The following SUGT1 variants were observed in gnomAD, a reference collection of about 807,000 sequenced individuals.
SUGT1 encodes SGT1 assembly cochaperone of MIS12 kinetochore complex, also known as protein SGT1 homolog.
SUGT1 carries 15 observed loss-of-function variants against 56.1 expected under a neutral mutation model. The observed-to-expected ratio is 0.27, with a 90% CI of 0.18 to 0.41. The LOEUF (loss-of-function observed/expected upper bound fraction) is 0.41. Ranked by LOEUF, SUGT1 falls within the 10% of genes least tolerant of loss-of-function variation. The pLI, the probability that SUGT1 is intolerant of heterozygous loss-of-function variation, is 1.00. For synonymous variants in SUGT1, 123 were observed against 128.6 expected, an observed-to-expected ratio of 0.96 and a Z score of 0.30; for missense variants, 347 against 382.2, an observed-to-expected ratio of 0.91 and a Z score of 0.77.
chr13:52,670,417 C>CA lies in SUGT1; in HGVS notation c.627+3499dup, dbSNP rs1339888094. Among the ~76,000 whole-genome samples, 7 of 152,250 alleles carry CA rather than the reference C, an allele frequency of 4.6e-5. No homozygotes were observed. The South Asian group carries it at 6.2e-4, about 14-fold the overall frequency. On this transcript the variant is annotated intron_variant, in intron 10 of 12. Transcript: ENST00000310528. ...GTCTTTCATCTTGTTGATTTCATGA[C>CA]ACTATTCTCTGGTCACAGTCTCAGA... is the stretch of plus-strand genomic sequence containing the variant.
intron 10 of SUGT1, 63 bp from the exon 11 acceptor site, chr13:52,676,167 G>T: frequency 7.4e-7 from 1 of 1,355,970 alleles, no homozygotes; most frequent in Non-Finnish European, 1.0e-6. Flanking sequence ...TAAGAAAACT[G>T]CATTTTTTAC....
In SUGT1 at chr13:52,652,880, G is replaced by C. The variant is rs756552715; in HGVS notation, c.-41G>C. On this transcript the variant is annotated 5_prime_UTR_variant, in exon 1 of 13. Coordinates refer to ENST00000310528, the MANE Select transcript of SUGT1 (RefSeq NM_006704.5). ...GGGCGGTGGTGGAGGTGGTAACCGT[G>C]ATAGTAGCAGCTCCGGCGGCAGCAA... The C allele has an allele frequency of 1.2e-6, 2 of 1,605,264 alleles. No individual in the cohort carries two copies.
chr13:52,660,168 T>C (rs1454329836), intron 5 of SUGT1, among the ~76,000 whole-genome samples: 2 of 151,906 alleles, frequency 1.3e-5, no homozygotes, highest in African/African-American at 4.8e-5. Flanking sequence ...TACTAAGAGG[T>C]TGTGAGTAAT....
chr13:52,680,942 A>G (rs1385316850), intron 12 of SUGT1, among the ~76,000 whole-genome samples: 3 of 152,034 alleles, frequency 2.0e-5, no homozygotes, highest in African/African-American at 7.2e-5. Flanking sequence ...GCCGGGCTCA[A>G]GTGATTTTCC....
intron 10 of SUGT1, among the ~76,000 whole-genome samples, chr13:52,675,604 C>A (rs981650271): frequency 2.6e-5 from 4 of 152,068 alleles, no homozygotes; most frequent in African/African-American, 9.7e-5. Flanking sequence ...TCTCCCACAG[C>A]CTTGAAGACT....
chr13:52,680,089 CAG>C lies in SUGT1; in HGVS notation c.836_837del (p.Arg279IlefsTer11). 1.3e-6 allele frequency: 2 copies of C among 1,595,492 alleles called. No individual in the cohort carries two copies. The highest frequency in any genetic ancestry group is 1.7e-6 in the Non-Finnish European group (2 of 1,175,074). ...AGTTGGAGGGAGATGCAGCTTTAAA[CAG>C]ATTATTTCAGCAGATCTATTCAGAT... is the stretch of plus-strand genomic sequence containing the variant. The part of the protein sequence containing the change: ...EKLEGDAALN[R>X]LFQQIYSDGS... On this transcript the variant is annotated frameshift_variant, in exon 12 of 13. Coordinates refer to ENST00000310528, the MANE Select transcript of SUGT1 (RefSeq NM_006704.5). LOFTEE classifies it high-confidence loss of function.
At chr13:52,678,081 A>G (rs576482166) in intron 11 of SUGT1, among the ~76,000 whole-genome samples, 1 of 152,316 alleles carries the variant, frequency 6.6e-6, no homozygotes, top group Non-Finnish European at 1.5e-5. Context: ...TTGCTTATCT[A>G]CAAAATAGAG....
chr13:52,676,146 CT>C, intron 10 of SUGT1, 83 bp from the exon 11 acceptor site: 1 of 1,066,514 alleles, frequency 9.4e-7, no homozygotes, highest in African/African-American at 1.6e-5. Context: ...CTTAACAAAA[CT>C]TTGATGACTT....
chr13:52,664,010 T>G (rs1962572776), intron 7 of SUGT1, 25 bp from the exon 8 acceptor site: 2 of 1,611,774 alleles, frequency 1.2e-6, no homozygotes, highest in Non-Finnish European at 1.7e-6. Flanking sequence ...CTCTTTCAAC[T>G]TACCAAAATC....
intron 5 of SUGT1, among the ~76,000 whole-genome samples, chr13:52,661,809 A>G (rs955058251): frequency 7.2e-5 from 11 of 152,180 alleles, no homozygotes; most frequent in Admixed American, 5.9e-4. Flanking sequence ...TAAATTTTTT[A>G]TTAATGCTGG....
At chr13:52,672,156 A>C (rs1962972210) in intron 10 of SUGT1, among the ~76,000 whole-genome samples, 1 of 152,168 alleles carries the variant, frequency 6.6e-6, no homozygotes, top group Admixed American at 6.5e-5. Flanking sequence ...AATCTGGAAA[A>C]GATAAAGGAG....
In SUGT1 at chr13:52,653,105, T is replaced by TGA. The variant is rs753427325; in HGVS notation, c.96+8_96+9dup. 1.2e-6 allele frequency: 2 copies of TGA among 1,613,990 alleles called. No homozygotes were observed. Among genetic ancestry groups the TGA allele is most frequent in the Non-Finnish European group, 1.7e-6 (2 of 1,179,984 alleles). On this transcript the variant is annotated splice_region_variant and intron_variant, in intron 2 of 12. Transcript: ENST00000310528. Reference sequence around the variant, plus strand: ...GAGGACCCCCAGGCGGCGTTAGAGGTGAGAGAGCCCATTTCTGCTTCCTCC... The same window carrying TGA: ...GAGGACCCCCAGGCGGCGTTAGAGGTGAGAGAGAGCCCATTTCTGCTTCCTCC...
At chr13:52,659,991 G>A (rs934827308) in intron 5 of SUGT1, among the ~76,000 whole-genome samples, 3 of 150,756 alleles carry the variant, frequency 2.0e-5, no homozygotes, top group African/African-American at 7.3e-5. Flanking sequence ...ACCACGCCCG[G>A]CCAATTTTTT....
intron 12 of SUGT1, among the ~76,000 whole-genome samples, chr13:52,682,835 T>TA (rs1963429505): frequency 6.6e-6 from 1 of 152,242 alleles, no homozygotes; most frequent in Non-Finnish European, 1.5e-5. Context: ...TGTTTTTAGA[T>TA]ATTCTAACTC....
At chr13:52,683,191 A>G (rs1963445099) in intron 12 of SUGT1, among the ~76,000 whole-genome samples, 1 of 152,182 alleles carries the variant, frequency 6.6e-6, no homozygotes, top group South Asian at 2.1e-4. Context: ...TTCCCATTTT[A>G]AGGGAAAAGT....
intron 6 of SUGT1, 102 bp from the exon 7 acceptor site, chr13:52,662,994 T>C: frequency 7.6e-7 from 1 of 1,317,748 alleles, no homozygotes. Context: ...TACGGAGAAT[T>C]TGCTTGCTTA....
chr13:52,672,450 A>AT (rs1475909750), intron 10 of SUGT1, among the ~76,000 whole-genome samples: 5 of 152,128 alleles, frequency 3.3e-5, no homozygotes, highest in African/African-American at 4.8e-5. Context: ...ATTCATTGCC[A>AT]TTTTTTTGCA....
chr13:52,661,462 T>G, intron 5 of SUGT1: 1 of 283,354 alleles, frequency 3.5e-6, no homozygotes. Flanking sequence ...CTGGCTAATT[T>G]TTGTATTTTT....
intron 11 of SUGT1, among the ~76,000 whole-genome samples, chr13:52,679,741 T>G (rs1963293623): frequency 6.6e-6 from 1 of 152,204 alleles, no homozygotes; most frequent in African/African-American, 2.4e-5. Flanking sequence ...CTTTATTGAG[T>G]TATTTTGCTC....
Sources: allele counts gnomAD v4.1 joint callset (sites outside exome capture counted in the v4.1 genomes callset), GRCh38; gene constraint gnomAD v4.1.1; transcripts MANE v1.5; gene names NCBI Gene and HGNC (gene_info 2026-07-23, HGNC 2026-07-21).